ADGRL2: variants seen among roughly 807,000 people sequenced by gnomAD.
The protein encoded by ADGRL2 is calcium-independent alpha-latrotoxin receptor 2.
Under a neutral mutation model 157.4 loss-of-function variants are expected in ADGRL2, and 44 were observed. The ratio of observed to expected loss-of-function variants is 0.28; its 90% CI spans 0.22 to 0.36. The LOEUF (loss-of-function observed/expected upper bound fraction) is 0.36. ADGRL2 is among the 10% of genes least tolerant of loss of function. The probability of loss-of-function intolerance (pLI) is 1.00; values close to 1 mark genes in which losing one functional copy is unlikely to be tolerated. For missense variants in ADGRL2, 1,510 were observed against 1,768.9 expected (o/e 0.85, Z 2.63); for synonymous variants, 585 against 624.7 (o/e 0.94, Z 0.95).
At chr1:81,825,785 A>G (rs2091428587) in intron 1 of ADGRL2, among the ~76,000 whole-genome samples, 1 of 151,838 alleles carries the variant, frequency 6.6e-6, no homozygotes, top group Non-Finnish European at 1.5e-5. Context: ...TCAGAACCCC[A>G]ACTGTGTTCT....
intron 1 of ADGRL2, among the ~76,000 whole-genome samples, chr1:81,828,208 T>A (rs192036701): frequency 4.7e-4 from 72 of 152,312 alleles, no homozygotes; most frequent in Admixed American, 2.9e-3. Context: ...TACATAGTTA[T>A]GGCACAGACC....
chr1:81,966,250 T>G (rs1311946979), intron 12 of ADGRL2, 67 bp downstream of exon 12: 1 of 1,597,674 alleles, frequency 6.3e-7, no homozygotes, highest in African/African-American at 1.4e-5. Flanking sequence ...AATTCTAAAA[T>G]GTATTTGAGT....
At chr1:81,873,493 A>C (rs1221352725) in intron 2 of ADGRL2, among the ~76,000 whole-genome samples, 1 of 152,108 alleles carries the variant, frequency 6.6e-6, no homozygotes, top group Non-Finnish European at 1.5e-5. Context: ...GAACATTATA[A>C]ATGATAGATC....
At chr1:81,907,455 C>T (rs866642193) in intron 3 of ADGRL2, among the ~76,000 whole-genome samples, 2 of 151,928 alleles carry the variant, frequency 1.3e-5, no homozygotes, top group Non-Finnish European at 2.9e-5. Flanking sequence ...ATATGTAATA[C>T]GTATCTTTTT....
chr1:81,601,259 G>A (rs1412455605), intron 3 of ADGRL2, among the ~76,000 whole-genome samples: 1 of 152,172 alleles, frequency 6.6e-6, no homozygotes, highest in Non-Finnish European at 1.5e-5. Context: ...TTGTTATAAT[G>A]TGAGAATATT....
intron 17 of ADGRL2, among the ~76,000 whole-genome samples, chr1:81,974,952 A>G (rs1395527349): frequency 6.6e-6 from 1 of 151,854 alleles, no homozygotes; most frequent in Non-Finnish European, 1.5e-5. Flanking sequence ...TGTCAGTGGG[A>G]GAGAAAAAAA....
At chr1:81,327,933 A>G (rs1661008280) in intron 1 of ADGRL2, among the ~76,000 whole-genome samples, 2 of 152,264 alleles carry the variant, frequency 1.3e-5, no homozygotes, top group South Asian at 4.1e-4. Context: ...GATTTGAATA[A>G]CCCACAGAAG....
rs541659682 is a variant in ADGRL2 at position 81,932,796 on chromosome 1, C to T, written c.288-3932C>T. Among the ~76,000 whole-genome samples the T allele has an allele frequency of 7.2e-5, 11 of 152,230 alleles. No homozygotes were observed. In the South Asian group the frequency reaches 2.1e-3, roughly 29 times the overall value. On this transcript the variant is annotated intron_variant, in intron 3 of 23. Transcript: ENST00000686636. ...GCAACCTCTGCCTCGCAGGTTCAAG[C>T]GATTCTCCTGCCTCTGCCTCCCGAG...
chr1:81,342,511 C>T (rs1662144857), intron 1 of ADGRL2, among the ~76,000 whole-genome samples: 1 of 152,064 alleles, frequency 6.6e-6, no homozygotes, highest in Non-Finnish European at 1.5e-5. Context: ...TATTTTATAA[C>T]AAATGATAGC....
At chr1:81,316,605 C>T (rs1185881419) in intron 1 of ADGRL2, among the ~76,000 whole-genome samples, 3 of 152,142 alleles carry the variant, frequency 2.0e-5, no homozygotes, top group African/African-American at 7.2e-5. Flanking sequence ...AATTTATACA[C>T]TAACATGGTA....
At chr1:81,335,791 T>C (rs1661593713) in intron 1 of ADGRL2, among the ~76,000 whole-genome samples, 1 of 150,808 alleles carries the variant, frequency 6.6e-6, no homozygotes, top group African/African-American at 2.4e-5. Context: ...ATCCTACTGA[T>C]AGCCAGACTC....
At chr1:81,857,488 G>T (rs1014796478) in intron 2 of ADGRL2, among the ~76,000 whole-genome samples, 1 of 152,070 alleles carries the variant, frequency 6.6e-6, no homozygotes, top group African/African-American at 2.4e-5. Context: ...CTTTGATGCC[G>T]GACATCTTAC....
At chr1:81,720,890 A>G (rs1382292964) in intron 1 of ADGRL2, among the ~76,000 whole-genome samples, 1 of 149,900 alleles carries the variant, frequency 6.7e-6, no homozygotes, top group Non-Finnish European at 1.5e-5. Context: ...TTATGTTTAT[A>G]TATTATACTA....
intron 1 of ADGRL2, among the ~76,000 whole-genome samples, chr1:81,717,288 G>C (rs1278480706): frequency 6.6e-6 from 1 of 152,176 alleles, no homozygotes; most frequent in Admixed American, 6.5e-5. Flanking sequence ...CAGGAACCCA[G>C]CCTGGGCTTC....
At chr1:81,875,804 A>G (rs575798992) in intron 2 of ADGRL2, among the ~76,000 whole-genome samples, 1 of 152,120 alleles carries the variant, frequency 6.6e-6, no homozygotes, top group Admixed American at 6.6e-5. Flanking sequence ...TGGCATTTGC[A>G]TTTTTGTAAT....
chr1:81,449,705 G>A (rs75502344), intron 2 of ADGRL2, among the ~76,000 whole-genome samples: 16,444 of 152,144 alleles, frequency 0.11, 1,003 homozygotes, highest in South Asian at 0.23. Flanking sequence ...AGGGTCATAT[G>A]ATCCTTCCAC....
At chr1:81,553,630 T>C (rs574606738) in intron 2 of ADGRL2, among the ~76,000 whole-genome samples, 1 of 152,322 alleles carries the variant, frequency 6.6e-6, no homozygotes, top group Non-Finnish European at 1.5e-5. Context: ...AAATCTATTT[T>C]ACATGATTCT....
At chr1:81,888,755 T>A (rs75640120) in intron 2 of ADGRL2, among the ~76,000 whole-genome samples, 1 of 152,050 alleles carries the variant, frequency 6.6e-6, no homozygotes, top group Non-Finnish European at 1.5e-5. Context: ...CCCGGCCTGC[T>A]TTTTTTATAA....
At chr1:81,660,600 T>C (rs141696626) in intron 3 of ADGRL2, among the ~76,000 whole-genome samples, 1 of 152,272 alleles carries the variant, frequency 6.6e-6, no homozygotes, top group African/African-American at 2.4e-5. Flanking sequence ...TTTATAGAAC[T>C]TTTAGTAGTT....
Sources: gnomAD v4.1 joint callset for allele counts (sites outside exome capture counted in the v4.1 genomes callset) on GRCh38, gnomAD v4.1.1 for gene constraint, MANE v1.5 for transcripts, NCBI Gene and HGNC (gene_info 2026-07-23, HGNC 2026-07-21) for gene names.